MIPOL1: variants seen among roughly 807,000 people sequenced by gnomAD.
MIPOL1 encodes the protein mirror-image polydactyly gene 1 protein.
A neutral mutation model predicts 60.9 loss-of-function variants in MIPOL1; 57 were observed. That is an observed-to-expected ratio of 0.94 (90% CI 0.76 to 1.17). MIPOL1 has a LOEUF of 1.17. MIPOL1 is among the 50% of genes most tolerant of loss of function. MIPOL1 has a pLI of 0.00. For synonymous variants in MIPOL1, 179 were observed against 168.8 expected (o/e 1.06, Z -0.47); for missense variants, 551 against 511.6 (o/e 1.08, Z -0.74).
chr14:37,517,091 A>C (rs965845179), intron 12 of MIPOL1, among the ~76,000 whole-genome samples: 3 of 152,136 alleles, frequency 2.0e-5, no homozygotes, highest in Non-Finnish European at 2.9e-5. Context: ...CAGGACCCTC[A>C]ACTGTCAGTA....
chr14:37,359,350 GT>G (rs1194600860), intron 9 of MIPOL1, among the ~76,000 whole-genome samples: 2 of 152,144 alleles, frequency 1.3e-5, no homozygotes, highest in Admixed American at 6.5e-5. Flanking sequence ...CTTTAAAGTA[GT>G]TTTTTTCCAA....
At chr14:37,390,877 A>G (rs2093218349) in intron 10 of MIPOL1, among the ~76,000 whole-genome samples, 1 of 152,046 alleles carries the variant, frequency 6.6e-6, no homozygotes, top group Admixed American at 6.6e-5. Flanking sequence ...ATAGTAGCCA[A>G]GATTTCTCCA....
At chr14:37,509,160 C>G (rs2095305672) in intron 12 of MIPOL1, among the ~76,000 whole-genome samples, 1 of 151,998 alleles carries the variant, frequency 6.6e-6, no homozygotes. Context: ...CTTCCAAATA[C>G]TTATCTTAGT....
intron 9 of MIPOL1, among the ~76,000 whole-genome samples, chr14:37,361,439 C>T (rs899032245): frequency 2.0e-5 from 3 of 152,010 alleles, no homozygotes; most frequent in Non-Finnish European, 4.4e-5. Context: ...GTTAAGGTCT[C>T]CCATTACTAC....
At position 37,534,275 on chromosome 14, in the gene MIPOL1, G is replaced by A. The variant is rs551034148; in HGVS notation, c.1263-12630G>A. Among the ~76,000 whole-genome samples, 18 of 152,114 alleles carry A rather than the reference G, an allele frequency of 1.2e-4. No individual in the cohort carries two copies. The South Asian group carries it at 3.5e-3, about 30-fold the overall frequency. Reference sequence around the variant, plus strand: ...CTCACCAAGTCTCCCAAACTCCTTCGATTTAAAGTGAGAGAAATCTGTTCT... The same window carrying A: ...CTCACCAAGTCTCCCAAACTCCTTCAATTTAAAGTGAGAGAAATCTGTTCT... On this transcript the variant is annotated intron_variant, in intron 12 of 12. Coordinates refer to ENST00000684589, the MANE Select transcript of MIPOL1 (RefSeq NM_001388067.1).
At chr14:37,350,261 G>A (rs1411614317) in intron 9 of MIPOL1, among the ~76,000 whole-genome samples, 1 of 152,050 alleles carries the variant, frequency 6.6e-6, no homozygotes, top group African/African-American at 2.4e-5. Context: ...TATTTTTGTG[G>A]AGGTGTGGTG....
intron 9 of MIPOL1, among the ~76,000 whole-genome samples, chr14:37,355,515 T>A (rs1409485668): frequency 6.6e-6 from 1 of 151,438 alleles, no homozygotes; most frequent in Non-Finnish European, 1.5e-5. Context: ...CCAACTTGGT[T>A]CCATTCTCCC....
chr14:37,404,118 T>C (rs1471724206), intron 10 of MIPOL1, among the ~76,000 whole-genome samples: 3 of 152,246 alleles, frequency 2.0e-5, no homozygotes, highest in Non-Finnish European at 4.4e-5. Flanking sequence ...GGTATTTCTT[T>C]TTTAACATCC....
intron 1 of MIPOL1, among the ~76,000 whole-genome samples, chr14:37,235,140 T>C (rs975062228): frequency 7.2e-5 from 11 of 152,034 alleles, no homozygotes; most frequent in Non-Finnish European, 1.5e-4. Flanking sequence ...ATGATGCCCT[T>C]AGTGTCTTAA....
chr14:37,446,207 G>C (rs2094332131), intron 11 of MIPOL1, among the ~76,000 whole-genome samples: 1 of 152,086 alleles, frequency 6.6e-6, no homozygotes, highest in Non-Finnish European at 1.5e-5. Flanking sequence ...AATCTACAAT[G>C]AACTCAAACA....
At chr14:37,485,112 T>C (rs1043507717) in intron 11 of MIPOL1, among the ~76,000 whole-genome samples, 3 of 152,142 alleles carry the variant, frequency 2.0e-5, no homozygotes, top group African/African-American at 7.2e-5. Flanking sequence ...TCTGTTCTTG[T>C]GTTAGTTTGC....
chr14:37,417,953 A>G (rs1225859129), intron 10 of MIPOL1, among the ~76,000 whole-genome samples: 1 of 152,134 alleles, frequency 6.6e-6, no homozygotes, highest in Non-Finnish European at 1.5e-5. Context: ...AACATGTTGT[A>G]TTAGCAACAA....
rs200559910 is a variant in MIPOL1, at chr14:37,414,926, A to AT, written c.937-7921dup. Among the ~76,000 whole-genome samples the AT allele has an allele frequency of 9.5e-4, 144 of 152,022 alleles. 1 individual carries two copies. The East Asian group carries it at 0.023, about 24-fold the overall frequency. Reference sequence around the variant, plus strand: ...TGAATCATTGCTAGATCCAGCAGAGATTTTTTTTCCCTTTACCTTACCTGC... The same window carrying AT: ...TGAATCATTGCTAGATCCAGCAGAGATTTTTTTTTCCCTTTACCTTACCTGC... On this transcript the variant is annotated intron_variant, in intron 10 of 12. Transcript: ENST00000684589.
chr14:37,340,022 C>T lies in MIPOL1; in HGVS notation c.829-29495C>T, dbSNP rs118129350. 4.7e-4 allele frequency among the ~76,000 whole-genome samples: 72 copies of T among 152,254 alleles called. 1 individual carries two copies. In the East Asian group the frequency reaches 0.014, roughly 29 times the overall value. On this transcript the variant is annotated intron_variant, in intron 9 of 12. Coordinates refer to ENST00000684589, the MANE Select transcript of MIPOL1 (RefSeq NM_001388067.1). ...AAACCCCTATAAAATAATAATTTGGCTTATAAGGTATGGTTAAAATTTCAG... is the reference window on the plus strand; with the variant it reads ...AAACCCCTATAAAATAATAATTTGGTTTATAAGGTATGGTTAAAATTTCAG...
intron 11 of MIPOL1, among the ~76,000 whole-genome samples, chr14:37,493,993 A>G (rs556211618): frequency 6.6e-6 from 1 of 152,338 alleles, no homozygotes; most frequent in Admixed American, 6.5e-5. Flanking sequence ...TAAATGTAAT[A>G]TGTCTTTGTG....
At chr14:37,404,963 T>G (rs969704626) in intron 10 of MIPOL1, among the ~76,000 whole-genome samples, 1 of 152,198 alleles carries the variant, frequency 6.6e-6, no homozygotes, top group African/African-American at 2.4e-5. Context: ...GCTTTGCACT[T>G]TCTGAAACCA....
At chr14:37,394,057 C>CATAT (rs56361320) in intron 10 of MIPOL1, among the ~76,000 whole-genome samples, 17,549 of 73,120 alleles carry the variant, frequency 0.24, 3,082 homozygotes, top group Non-Finnish European at 0.32. Context: ...TTAGTAGTGG[C>CATAT]ATATATATAT....
intron 11 of MIPOL1, among the ~76,000 whole-genome samples, chr14:37,489,444 A>G (rs543935800): frequency 1.1e-4 from 16 of 152,210 alleles, no homozygotes; most frequent in African/African-American, 2.6e-4. Flanking sequence ...ACTAAAGCCT[A>G]CTTCTGTCAG....
At chr14:37,517,522 C>T (rs1457057827) in intron 12 of MIPOL1, among the ~76,000 whole-genome samples, 2 of 152,102 alleles carry the variant, frequency 1.3e-5, no homozygotes, top group African/African-American at 4.8e-5. Context: ...TGCATTTGCC[C>T]TTTGACTAAG....
Sources: gnomAD v4.1 joint callset for allele counts (sites outside exome capture counted in the v4.1 genomes callset) on GRCh38, gnomAD v4.1.1 for gene constraint, MANE v1.5 for transcripts, NCBI Gene and HGNC (gene_info 2026-07-23, HGNC 2026-07-21) for gene names.